CTNNA3: variants seen among roughly 807,000 people sequenced by gnomAD.
CTNNA3 encodes the protein catenin alpha-3.
Under a neutral mutation model 95.7 loss-of-function variants are expected in CTNNA3, and 76 were observed. The ratio of observed to expected loss-of-function variants is 0.79; its 90% CI spans 0.66 to 0.96. The LOEUF (loss-of-function observed/expected upper bound fraction) is 0.96, where lower values mean the gene tolerates loss of function less well. Among genes scored for constraint, CTNNA3 ranks in the 40% least tolerant of loss-of-function variants. CTNNA3 has a pLI of 0.00. For missense variants in CTNNA3, 1,191 were observed against 1,089.8 expected (o/e 1.09, Z -1.31); for synonymous variants, 431 against 374.4 (o/e 1.15, Z -1.74).
At chr10:67,057,972 T>C (rs1001447490) in intron 7 of CTNNA3, among the ~76,000 whole-genome samples, 4 of 152,132 alleles carry the variant, frequency 2.6e-5, no homozygotes, top group African/African-American at 4.8e-5. Context: ...TCCAGAATGA[T>C]AGGCAATCAG....
intron 11 of CTNNA3, among the ~76,000 whole-genome samples, chr10:66,459,169 G>A (rs2093512611): frequency 1.3e-5 from 2 of 152,018 alleles, no homozygotes; most frequent in South Asian, 4.2e-4. Flanking sequence ...TTAATGAATA[G>A]TACATATATG....
At chr10:67,727,915 A>G (rs1426224169) in intron 1 of CTNNA3, among the ~76,000 whole-genome samples, 2 of 126,962 alleles carry the variant, frequency 1.6e-5, no homozygotes, top group African/African-American at 6.3e-5. Flanking sequence ...TATTATGTAT[A>G]TTATATATTA....
At chr10:66,038,088 T>C (rs952253991) in intron 15 of CTNNA3, among the ~76,000 whole-genome samples, 1 of 152,168 alleles carries the variant, frequency 6.6e-6, no homozygotes, top group African/African-American at 2.4e-5. Context: ...ACAAGACAAA[T>C]GTGCAACAAA....
At chr10:66,218,286 T>G (rs1044550991) in intron 13 of CTNNA3, among the ~76,000 whole-genome samples, 24 of 152,184 alleles carry the variant, frequency 1.6e-4, no homozygotes, top group African/African-American at 5.8e-4. Flanking sequence ...CACAGCCTTG[T>G]GTAATCCCCT....
chr10:66,503,897 T>A (rs924588669), intron 11 of CTNNA3, among the ~76,000 whole-genome samples: 4 of 152,144 alleles, frequency 2.6e-5, no homozygotes, highest in South Asian at 2.1e-4. Context: ...AGAACATAAT[T>A]CTTTTTCTTT....
chr10:67,295,819 A>AT (rs931652129), intron 5 of CTNNA3, among the ~76,000 whole-genome samples: 6 of 152,208 alleles, frequency 3.9e-5, no homozygotes, highest in African/African-American at 1.4e-4. Flanking sequence ...TGATGCAAAT[A>AT]TTTTATTCTG....
intron 11 of CTNNA3, among the ~76,000 whole-genome samples, chr10:66,459,319 T>C (rs1057420746): frequency 1.4e-4 from 21 of 152,142 alleles, no homozygotes; most frequent in African/African-American, 5.1e-4. Flanking sequence ...TATGTGTAGC[T>C]AAGTTTTGAG....
chr10:66,915,292 C>G (rs775897427), intron 7 of CTNNA3, among the ~76,000 whole-genome samples: 1 of 150,864 alleles, frequency 6.6e-6, no homozygotes, highest in Non-Finnish European at 1.5e-5. Context: ...AGATCATACA[C>G]AAAGAAATAA....
At chr10:67,575,183 C>CTA (rs1050278311) in intron 3 of CTNNA3, among the ~76,000 whole-genome samples, 1 of 152,024 alleles carries the variant, frequency 6.6e-6, no homozygotes, top group African/African-American at 2.4e-5. Context: ...TATGCGTTTC[C>CTA]TATATATATT....
chr10:66,792,882 A>G (rs1013670561), intron 7 of CTNNA3, among the ~76,000 whole-genome samples: 2 of 152,194 alleles, frequency 1.3e-5, no homozygotes, highest in Non-Finnish European at 2.9e-5. Flanking sequence ...CATCTTCTCT[A>G]GAAGTTTACA....
chr10:66,500,407 G>A (rs138137363), intron 11 of CTNNA3, among the ~76,000 whole-genome samples: 531 of 152,148 alleles, frequency 3.5e-3, no homozygotes, highest in Non-Finnish European at 5.8e-3. Context: ...TTCCATGGTA[G>A]TTTTACATAC....
At chr10:66,978,337 C>A (rs1850182751) in intron 7 of CTNNA3, among the ~76,000 whole-genome samples, 2 of 151,228 alleles carry the variant, frequency 1.3e-5, no homozygotes, top group Admixed American at 1.3e-4. Context: ...ACCAGCCTGG[C>A]CAACATGGCA....
Position 66,188,462 on chromosome 10 carries a change from T to G in CTNNA3, c.1885-85213A>C, listed in dbSNP as rs191494337. Among the ~76,000 whole-genome samples the G allele has an allele frequency of 9.7e-4, 147 of 151,968 alleles. 1 individual carries two copies. The highest frequency in any genetic ancestry group is 3.5e-3 in the African/African-American group (144 of 41,438). ...TTTTTTTTAAGATTCCATATATAAG[T>G]GAGATCAGGTGATATTTGTCTTTTT... On this transcript the variant is annotated intron_variant, in intron 13 of 17. Transcript: ENST00000433211.
chr10:66,716,262 A>C (rs2132621042), intron 9 of CTNNA3, among the ~76,000 whole-genome samples: 1 of 152,306 alleles, frequency 6.6e-6, no homozygotes, highest in Non-Finnish European at 1.5e-5. Context: ...ATACAAGAAA[A>C]TGGATGTTCA....
At chr10:67,194,730 G>A (rs1487743958) in intron 6 of CTNNA3, among the ~76,000 whole-genome samples, 1 of 151,838 alleles carries the variant, frequency 6.6e-6, no homozygotes, top group African/African-American at 2.4e-5. Flanking sequence ...TGATAACAAC[G>A]TGTCAGTTTA....
At chr10:67,690,647 C>T (rs1025972155) in intron 1 of CTNNA3, among the ~76,000 whole-genome samples, 27 of 152,318 alleles carry the variant, frequency 1.8e-4, no homozygotes, top group African/African-American at 5.5e-4. Context: ...CTGATTGGTG[C>T]ATTTACAATC....
chr10:66,831,628 A>G (rs1002930208), intron 7 of CTNNA3, among the ~76,000 whole-genome samples: 1 of 152,202 alleles, frequency 6.6e-6, no homozygotes, highest in African/African-American at 2.4e-5. Context: ...TTTACTAGAC[A>G]GTAAATCCTC....
At chr10:67,463,065 G>A (rs958888405) in intron 5 of CTNNA3, among the ~76,000 whole-genome samples, 12 of 151,630 alleles carry the variant, frequency 7.9e-5, no homozygotes, top group Non-Finnish European at 1.3e-4. Flanking sequence ...CACCACACCC[G>A]GCTAATTTTT....
At chr10:66,226,917 C>A (rs1294590551) in intron 13 of CTNNA3, among the ~76,000 whole-genome samples, 3 of 152,036 alleles carry the variant, frequency 2.0e-5, no homozygotes, top group African/African-American at 7.2e-5. Context: ...GTGTATCCTG[C>A]AAATTTACCA....
Sources: allele counts gnomAD v4.1 joint callset (sites outside exome capture counted in the v4.1 genomes callset), GRCh38; gene constraint gnomAD v4.1.1; transcripts MANE v1.5; gene names NCBI Gene and HGNC (gene_info 2026-07-23, HGNC 2026-07-21).